The following CATSPERB variants were observed in gnomAD, a reference collection of about 807,000 sequenced individuals.
CATSPERB encodes the protein cation channel sperm-associated auxiliary subunit beta.
A neutral mutation model predicts 128.3 loss-of-function variants in CATSPERB; 93 were observed. The observed-to-expected ratio is 0.72, with a 90% CI of 0.61 to 0.86. The LOEUF (loss-of-function observed/expected upper bound fraction) is 0.86. CATSPERB is among the 40% of genes least tolerant of loss of function. The probability of loss-of-function intolerance (pLI) is 0.00; values close to 1 mark genes in which losing one functional copy is unlikely to be tolerated. For synonymous variants in CATSPERB, 381 were observed against 448.8 expected (o/e 0.85, Z 1.91); for missense variants, 1,153 against 1,329.5 (o/e 0.87, Z 2.06).
chr14:91,677,513 A>G (rs1013479201), intron 11 of CATSPERB, among the ~76,000 whole-genome samples: 2 of 152,334 alleles, frequency 1.3e-5, no homozygotes, highest in African/African-American at 2.4e-5. Context: ...ATGAGATACC[A>G]TCTTATACCT....
intron 7 of CATSPERB, among the ~76,000 whole-genome samples, chr14:91,702,189 A>G (rs1895661903): frequency 6.6e-6 from 1 of 151,798 alleles, no homozygotes; most frequent in African/African-American, 2.4e-5. Context: ...TCACAGAAGT[A>G]AGGTAGGTAT....
intron 22 of CATSPERB, among the ~76,000 whole-genome samples, chr14:91,598,240 T>C (rs761484927): frequency 6.6e-5 from 10 of 151,906 alleles, no homozygotes; most frequent in Non-Finnish European, 1.5e-4. Context: ...TGGCTCCTTT[T>C]ACCTTGTTTT....
intron 20 of CATSPERB, among the ~76,000 whole-genome samples, chr14:91,611,471 G>A (rs1033627530): frequency 1.3e-5 from 2 of 152,058 alleles, no homozygotes; most frequent in Non-Finnish European, 2.9e-5. Context: ...TCAGCCAGAC[G>A]TGGTGGCATA....
In CATSPERB at chr14:91,587,833, T is replaced by C. The variant is rs1242119890; in HGVS notation, c.3057+145A>G. 4.8e-6 allele frequency: 3 copies of C among 624,566 alleles called. No individual in the cohort carries two copies. The African/African-American group carries it at 5.7e-5, about 12-fold the overall frequency. 38.7% of individuals were successfully genotyped at this position (624,566 alleles called of 1,614,324 possible). On this transcript the variant is annotated intron_variant, in intron 25 of 26. Coordinates refer to ENST00000256343, the MANE Select transcript of CATSPERB (RefSeq NM_024764.4). Reference sequence around the variant, plus strand: ...GAAATGGAGAAAAAAATAAACCCTCTTCATATACTTTAAAGGTATATACTT... The same window carrying C: ...GAAATGGAGAAAAAAATAAACCCTCCTCATATACTTTAAAGGTATATACTT...
intron 22 of CATSPERB, among the ~76,000 whole-genome samples, chr14:91,593,393 G>A (rs1445353084): frequency 6.6e-6 from 1 of 152,214 alleles, no homozygotes; most frequent in African/African-American, 2.4e-5. Context: ...GATGGAGGCT[G>A]TACCCTGCAA....
chr14:91,683,369 T>G (rs1322013601), intron 11 of CATSPERB, among the ~76,000 whole-genome samples: 1 of 152,210 alleles, frequency 6.6e-6, no homozygotes, highest in Non-Finnish European at 1.5e-5. Context: ...AATTTCACAA[T>G]GGAAAGTTGC....
intron 7 of CATSPERB, among the ~76,000 whole-genome samples, chr14:91,695,589 T>C (rs1895549735): frequency 6.6e-6 from 1 of 152,216 alleles, no homozygotes; most frequent in South Asian, 2.1e-4. Flanking sequence ...GGCTACTCTC[T>C]GTGACAAACT....
intron 14 of CATSPERB, among the ~76,000 whole-genome samples, chr14:91,665,666 T>C (rs1288363809): frequency 1.3e-5 from 2 of 152,238 alleles, no homozygotes; most frequent in East Asian, 1.9e-4. Flanking sequence ...GGTCAGGAGA[T>C]AGAGACCAGC....
At chr14:91,721,914 T>C (rs1896039950) in intron 4 of CATSPERB, among the ~76,000 whole-genome samples, 1 of 150,780 alleles carries the variant, frequency 6.6e-6, no homozygotes, top group African/African-American at 2.4e-5. Flanking sequence ...ACGGGAACCC[T>C]AACCCAGGTG....
At chr14:91,650,065 C>T (rs143330390) in intron 15 of CATSPERB, among the ~76,000 whole-genome samples, 16 of 152,252 alleles carry the variant, frequency 1.1e-4, no homozygotes, top group African/African-American at 1.2e-4. Context: ...GGAATTGAGA[C>T]ACGTCTTATA....
chr14:91,628,737 T>C (rs1894215549), intron 17 of CATSPERB, among the ~76,000 whole-genome samples: 1 of 152,188 alleles, frequency 6.6e-6, no homozygotes, highest in African/African-American at 2.4e-5. Context: ...CCTTTATAAA[T>C]TACCCAGTTT....
intron 7 of CATSPERB, among the ~76,000 whole-genome samples, chr14:91,701,517 T>C (rs1440293866): frequency 6.6e-6 from 1 of 152,102 alleles, no homozygotes; most frequent in African/African-American, 2.4e-5. Flanking sequence ...GGATAAAAGT[T>C]TGAATCAAAT....
chr14:91,686,787 A>C lies in CATSPERB; in HGVS notation c.865-2844T>G, dbSNP rs151115531. 1.2e-3 allele frequency among the ~76,000 whole-genome samples: 185 copies of C among 152,302 alleles called. 4 individuals are homozygous for C. In the East Asian group the frequency reaches 0.028, roughly 23 times the overall value. ...TGTATCTATATGTCTGGACACATAA[A>C]ATTTCTAGGTACAAAATTATTCATG... On this transcript the variant is annotated intron_variant, in intron 10 of 26. Coordinates refer to ENST00000256343, the MANE Select transcript of CATSPERB (RefSeq NM_024764.4).
At chr14:91,694,778 C>T (rs1328464651) in intron 7 of CATSPERB, among the ~76,000 whole-genome samples, 1 of 152,128 alleles carries the variant, frequency 6.6e-6, no homozygotes, top group Non-Finnish European at 1.5e-5. Flanking sequence ...GTACTTTGTT[C>T]CCCAACCCCA....
intron 17 of CATSPERB, 73 bp downstream of exon 17, chr14:91,636,352 G>T (rs146073024): frequency 1.0e-4 from 141 of 1,395,096 alleles, no homozygotes; most frequent in African/African-American, 1.3e-4. Flanking sequence ...GACAGAGCAA[G>T]ACCCTATCTC....
In CATSPERB at chr14:91,672,925, A is replaced by G. The variant is rs1204034211; in HGVS notation, c.1070T>C (p.Val357Ala). Residue 357 changes from valine (V) to alanine (A), a missense_variant, in exon 13 of 27, where the codon GTG becomes GCG. Val to Ala is a moderately conservative substitution (Grantham distance 64). Coordinates refer to ENST00000256343, the MANE Select transcript of CATSPERB (RefSeq NM_024764.4). ...CTCTTGGTCAACAAGAAATGTTAGC[A>G]CAGTTGGAAAAATTTTTATTCCTTT... is the stretch of plus-strand genomic sequence containing the variant. ...IFKGIKIFPT[V>A]LTFLVDQERG... is the part of the protein sequence containing the mutation. 1.0e-5 allele frequency: 16 copies of G among 1,603,702 alleles called. No homozygotes were observed. Among genetic ancestry groups the G allele is most frequent in the Non-Finnish European group, 1.4e-5 (16 of 1,177,876 alleles).
intron 2 of CATSPERB, among the ~76,000 whole-genome samples, chr14:91,728,240 G>C (rs759683657): frequency 6.6e-6 from 1 of 152,094 alleles, no homozygotes; most frequent in African/African-American, 2.4e-5. Context: ...TCAGCCTCCT[G>C]AGTAGCTGGG....
chr14:91,690,908 C>T (rs1895458364), intron 10 of CATSPERB, among the ~76,000 whole-genome samples: 1 of 152,224 alleles, frequency 6.6e-6, no homozygotes, highest in South Asian at 2.1e-4. Context: ...TGGCTAGGAA[C>T]ACTCATGATT....
At chr14:91,719,337 T>C in intron 5 of CATSPERB, 81 bp downstream of exon 5, 1 of 1,014,930 alleles carries the variant, frequency 9.9e-7, no homozygotes, top group South Asian at 1.8e-5. Context: ...AAATCACTTT[T>C]AAGATAATAA....
Sources: gnomAD v4.1 joint callset for allele counts (sites outside exome capture counted in the v4.1 genomes callset) on GRCh38, gnomAD v4.1.1 for gene constraint, MANE v1.5 for transcripts, NCBI Gene and HGNC (gene_info 2026-07-23, HGNC 2026-07-21) for gene names.